SOX5: variants seen among roughly 807,000 people sequenced by gnomAD.
The protein encoded by SOX5 is SRY-box transcription factor 5.
SOX5 carries 9 observed loss-of-function variants against 92.0 expected under a neutral mutation model. That is an observed-to-expected ratio of 0.10 (90% CI 0.06 to 0.17). SOX5 has a LOEUF of 0.17. Ranked by LOEUF, SOX5 falls within the 10% of genes least tolerant of loss-of-function variation. The probability of loss-of-function intolerance (pLI) is 1.00; values close to 1 mark genes in which losing one functional copy is unlikely to be tolerated. For missense variants in SOX5, 642 were observed against 944.5 expected (o/e 0.68, Z 4.20); for synonymous variants, 344 against 336.3 (o/e 1.02, Z -0.25).
chr12:24,533,225 G>A (rs950895294), intron 1 of SOX5, among the ~76,000 whole-genome samples: 42 of 151,970 alleles, frequency 2.8e-4, no homozygotes, highest in African/African-American at 9.9e-4. Flanking sequence ...ATTCCATTTT[G>A]TAAGGAGCTT....
At chr12:23,805,693 G>A (rs1451640341) in intron 3 of SOX5, among the ~76,000 whole-genome samples, 1 of 152,124 alleles carries the variant, frequency 6.6e-6, no homozygotes, top group Non-Finnish European at 1.5e-5. Flanking sequence ...AAATCTAGAG[G>A]ACAGGAATCA....
chr12:24,382,664 G>T (rs1261469222), intron 1 of SOX5, among the ~76,000 whole-genome samples: 1 of 152,150 alleles, frequency 6.6e-6, no homozygotes, highest in Non-Finnish European at 1.5e-5. Flanking sequence ...GTCCAGTTAG[G>T]AGCCTATAGC....
At chr12:23,748,881 C>G (rs188264962) in intron 4 of SOX5, among the ~76,000 whole-genome samples, 1 of 152,006 alleles carries the variant, frequency 6.6e-6, no homozygotes, top group South Asian at 2.1e-4. Flanking sequence ...AGGCTATAAG[C>G]TCTAGGAGGG....
intron 8 of SOX5, among the ~76,000 whole-genome samples, chr12:23,608,036 G>A (rs2075459526): frequency 7.0e-6 from 1 of 143,050 alleles, no homozygotes; most frequent in South Asian, 2.3e-4. Flanking sequence ...TTGGGAGGCA[G>A]AGACAGGAGG....
intron 1 of SOX5, among the ~76,000 whole-genome samples, chr12:24,554,495 A>T (rs1341067664): frequency 1.3e-5 from 2 of 152,172 alleles, no homozygotes; most frequent in Non-Finnish European, 2.9e-5. Flanking sequence ...CTGGGCACAG[A>T]TTCCCTAGAG....
In SOX5 at chr12:24,035,909, G is replaced by A. The variant is rs1359139711; in HGVS notation, c.-1-139885C>T. Among the ~76,000 whole-genome samples the A allele has an allele frequency of 5.3e-5, 8 of 152,012 alleles. No individual in the cohort carries two copies. The Middle Eastern group carries it at 0.01, about 194-fold the overall frequency. ...TCCATGTCTGGGTGATTATCCTTCC[G>A]AGTTGATCTCTGTTCCTTTCAGAAA... On this transcript the variant is annotated intron_variant, in intron 4 of 4. Transcript: ENST00000446891.
intron 4 of SOX5, among the ~76,000 whole-genome samples, chr12:24,003,120 G>T (rs1440442175): frequency 1.3e-5 from 2 of 151,994 alleles, no homozygotes; most frequent in Admixed American, 1.3e-4. Context: ...ATTCATGGTA[G>T]AAATTCTCAA....
chr12:23,781,813 G>A (rs1158697214), intron 3 of SOX5, among the ~76,000 whole-genome samples: 1 of 151,990 alleles, frequency 6.6e-6, no homozygotes, highest in African/African-American at 2.4e-5. Flanking sequence ...GCAGGATCAA[G>A]GAGAATTTGG....
chr12:23,596,995 C>G (rs1410060616), intron 9 of SOX5, among the ~76,000 whole-genome samples: 1 of 152,196 alleles, frequency 6.6e-6, no homozygotes, highest in Non-Finnish European at 1.5e-5. Flanking sequence ...GTTTCAAACA[C>G]ACAGATTTTT....
upstream of SOX5, among the ~76,000 whole-genome samples, chr12:23,955,060 G>T (rs1404760933): frequency 4.6e-5 from 7 of 152,002 alleles, no homozygotes; most frequent in Non-Finnish European, 8.8e-5. Context: ...TTACGAATGA[G>T]GAAGTCCCAA....
chr12:24,210,386 A>G (rs992111688), intron 4 of SOX5, among the ~76,000 whole-genome samples: 20 of 152,324 alleles, frequency 1.3e-4, no homozygotes, highest in African/African-American at 4.6e-4. Flanking sequence ...CATGCCTGCT[A>G]ATTCATACTA....
At chr12:24,532,579 G>A (rs1444541678) in intron 1 of SOX5, among the ~76,000 whole-genome samples, 1 of 151,952 alleles carries the variant, frequency 6.6e-6, no homozygotes, top group East Asian at 1.9e-4. Flanking sequence ...TTACCAAGTG[G>A]GTATACTTTA....
intron 4 of SOX5, among the ~76,000 whole-genome samples, chr12:24,183,715 T>C (rs1955739943): frequency 6.6e-6 from 1 of 152,196 alleles, no homozygotes; most frequent in Non-Finnish European, 1.5e-5. Context: ...GTTGTTTTCC[T>C]ATAGCACATA....
chr12:24,263,534 AAAAAAAC>A (rs1291172038), intron 3 of SOX5, among the ~76,000 whole-genome samples: 9 of 141,952 alleles, frequency 6.3e-5, no homozygotes, highest in African/African-American at 2.0e-4. Flanking sequence ...TCTCAAAAAA[AAAAAAAC>A]AAAAAAAAAA....
chr12:23,658,328 C>T (rs1028824941), intron 7 of SOX5, among the ~76,000 whole-genome samples: 1 of 152,138 alleles, frequency 6.6e-6, no homozygotes, highest in African/African-American at 2.4e-5. Flanking sequence ...AGATGACTGT[C>T]ACCACATAAT....
intron 4 of SOX5, among the ~76,000 whole-genome samples, chr12:24,053,183 C>G (rs796877674): frequency 7.9e-6 from 1 of 126,208 alleles, no homozygotes; most frequent in African/African-American, 2.6e-5. Context: ...TGCACGCCCC[C>G]CCCCTTTTTT....
At chr12:24,201,379 A>G (rs999867127) in intron 4 of SOX5, among the ~76,000 whole-genome samples, 1 of 152,050 alleles carries the variant, frequency 6.6e-6, no homozygotes, top group Non-Finnish European at 1.5e-5. Flanking sequence ...ATAGTCTTAT[A>G]CACAAACATT....
At chr12:23,611,624 C>G (rs1017285434) in intron 8 of SOX5, among the ~76,000 whole-genome samples, 1 of 151,970 alleles carries the variant, frequency 6.6e-6, no homozygotes, top group Middle Eastern at 3.4e-3. Context: ...TTTTGTGTGC[C>G]CAGGCAATCT....
At chr12:24,406,355 G>T (rs1220296778) in intron 1 of SOX5, among the ~76,000 whole-genome samples, 1 of 152,150 alleles carries the variant, frequency 6.6e-6, no homozygotes, top group Admixed American at 6.5e-5. Flanking sequence ...GGCCATGAAA[G>T]TCTCCCAAAA....
Sources: allele counts gnomAD v4.1 joint callset (sites outside exome capture counted in the v4.1 genomes callset), GRCh38; gene constraint gnomAD v4.1.1; transcripts MANE v1.5; gene names NCBI Gene and HGNC (gene_info 2026-07-23, HGNC 2026-07-21).